Variants in AK4 observed in about 807,000 individuals in gnomAD.
AK4 encodes the protein adenylate kinase 4, also known as adenylate kinase 4, mitochondrial.
Under a neutral mutation model 24.6 loss-of-function variants are expected in AK4, and 13 were observed. That is an observed-to-expected ratio of 0.53 (90% CI 0.34 to 0.84). The LOEUF (loss-of-function observed/expected upper bound fraction) is 0.84. AK4 is among the 40% of genes least tolerant of loss of function. The pLI, the probability that AK4 is intolerant of heterozygous loss-of-function variation, is 0.01. For synonymous variants in AK4, 88 were observed against 107.0 expected (o/e 0.82, Z 1.10); for missense variants, 192 against 288.2 (o/e 0.67, Z 2.42).
At chr1:65,156,090 G>A (rs1649973010) in intron 1 of AK4, among the ~76,000 whole-genome samples, 1 of 152,132 alleles carries the variant, frequency 6.6e-6, no homozygotes, top group Admixed American at 6.6e-5. Flanking sequence ...GTTTTTTAAT[G>A]TGAGTTAAGT....
intron 2 of AK4, among the ~76,000 whole-genome samples, chr1:65,191,071 T>C (rs190702710): frequency 5.3e-5 from 8 of 152,364 alleles, no homozygotes; most frequent in Admixed American, 5.2e-4. Context: ...ATTTCTGTTA[T>C]TGCTTCAGCC....
chr1:65,207,860 C>T (rs544363151), intron 2 of AK4, among the ~76,000 whole-genome samples: 2 of 152,242 alleles, frequency 1.3e-5, no homozygotes, highest in Admixed American at 6.5e-5. Flanking sequence ...CATGTTGCTA[C>T]AAGGGACATG....
At chr1:65,188,464 T>C (rs1178068372) in intron 1 of AK4, among the ~76,000 whole-genome samples, 1 of 151,970 alleles carries the variant, frequency 6.6e-6, no homozygotes, top group Non-Finnish European at 1.5e-5. Flanking sequence ...TAATTCCGCT[T>C]TGTGTTTTTA....
At chr1:65,148,666 T>G in intron 1 of AK4, 114 bp downstream of exon 1, 2 of 1,390,926 alleles carry the variant, frequency 1.4e-6, no homozygotes, top group Non-Finnish European at 1.9e-6. Context: ...CGTGTGGTCG[T>G]GCAGGCTCGT....
intron 1 of AK4, among the ~76,000 whole-genome samples, chr1:65,182,255 G>A (rs990203347): frequency 1.3e-5 from 2 of 152,132 alleles, no homozygotes; most frequent in African/African-American, 4.8e-5. Context: ...AGTGCCTTGT[G>A]TGGTACCTGG....
chr1:65,214,837 G>A (rs775755397), intron 2 of AK4, among the ~76,000 whole-genome samples: 15 of 152,152 alleles, frequency 9.9e-5, no homozygotes, highest in Non-Finnish European at 1.6e-4. Context: ...TAGGGAGTTC[G>A]TAAATCTGGA....
chr1:65,195,485 T>C (rs1651438516), intron 2 of AK4, among the ~76,000 whole-genome samples: 1 of 152,228 alleles, frequency 6.6e-6, no homozygotes, highest in African/African-American at 2.4e-5. Flanking sequence ...TGAATTTGTA[T>C]AGTTTTAGGG....
At chr1:65,175,727 G>A (rs116194516) in intron 1 of AK4, among the ~76,000 whole-genome samples, 1,610 of 152,254 alleles carry the variant, frequency 0.011, 24 homozygotes, top group African/African-American at 0.037. Flanking sequence ...CTGCTATGGT[G>A]GATACCAAGG....
chr1:65,175,260 T>C (rs1650672868), intron 1 of AK4, among the ~76,000 whole-genome samples: 1 of 152,182 alleles, frequency 6.6e-6, no homozygotes, highest in Non-Finnish European at 1.5e-5. Flanking sequence ...CCGCATCAGC[T>C]CTCCCTGTTC....
intron 1 of AK4, among the ~76,000 whole-genome samples, chr1:65,158,639 T>C (rs1363468405): frequency 2.0e-5 from 3 of 152,186 alleles, no homozygotes; most frequent in African/African-American, 7.2e-5. Flanking sequence ...TAGCTGGGAC[T>C]ACAGGCTCCT....
At chr1:65,219,919 A>C (rs1048535427) in intron 3 of AK4, among the ~76,000 whole-genome samples, 1 of 152,146 alleles carries the variant, frequency 6.6e-6, no homozygotes, top group Non-Finnish European at 1.5e-5. Context: ...TTTTCGCCAA[A>C]CTTCTGAAAA....
intron 2 of AK4, among the ~76,000 whole-genome samples, chr1:65,199,089 A>G (rs1285761617): frequency 6.8e-6 from 1 of 148,138 alleles, no homozygotes; most frequent in African/African-American, 2.5e-5. Context: ...TCCGCCTCAA[A>G]AAAAAAAAAA....
At position 65,230,961 on chromosome 1, in the gene AK4, G is replaced by A. The variant is rs868654031; in HGVS notation, c.*4784G>A. The A allele has an allele frequency of 6.6e-6, 1 of 152,130 alleles. No individual in the cohort carries two copies. The highest frequency in any genetic ancestry group is 1.5e-5 in the Non-Finnish European group (1 of 68,022). 9.4% of individuals were successfully genotyped at this position (152,130 alleles called of 1,614,324 possible). On this transcript the variant is annotated 3_prime_UTR_variant, in exon 5 of 5. Coordinates refer to ENST00000327299, the MANE Select transcript of AK4 (RefSeq NM_013410.4). The stretch of plus-strand genomic sequence containing the variant: ...TTTTGCTAGAGAGGCAATTCATAAG[G>A]TGAGGTCCTGTTCATAGTATGACTT...
At chr1:65,193,891 G>A (rs751114753) in intron 2 of AK4, among the ~76,000 whole-genome samples, 3 of 152,218 alleles carry the variant, frequency 2.0e-5, no homozygotes, top group Non-Finnish European at 4.4e-5. Flanking sequence ...CAGATCACTT[G>A]AGGCCAGGAG....
At position 65,173,567 on chromosome 1, in the gene AK4, C is replaced by T. The variant is rs114332982; in HGVS notation, c.146-17143C>T. On this transcript the variant is annotated intron_variant, in intron 1 of 4. Transcript: ENST00000327299. Reference sequence around the variant, plus strand: ...GTATGACTTCATCCCATGTTGGACCCGACCCTCCTTCTTTCCTTCTCCCAA... The same window carrying T: ...GTATGACTTCATCCCATGTTGGACCTGACCCTCCTTCTTTCCTTCTCCCAA... Among the ~76,000 whole-genome samples, 929 of 152,266 alleles carry T rather than the reference C, an allele frequency of 6.1e-3. 8 individuals are homozygous for T. Among genetic ancestry groups the T allele is most frequent in the African/African-American group, 0.021 (876 of 41,544 alleles).
At chr1:65,164,704 C>G (rs1199186233) in intron 1 of AK4, among the ~76,000 whole-genome samples, 1 of 152,212 alleles carries the variant, frequency 6.6e-6, no homozygotes, top group Non-Finnish European at 1.5e-5. Context: ...TCCTGTTTCA[C>G]TTCCTTGATG....
chr1:65,150,408 T>C lies in AK4; in HGVS notation c.145+1856T>C, dbSNP rs146033191. Among the ~76,000 whole-genome samples, 597 of 152,162 alleles carry C rather than the reference T, an allele frequency of 3.9e-3. 4 individuals are homozygous for C. The highest frequency in any genetic ancestry group is 0.014 in the African/African-American group (575 of 41,518). ...TGACTATGAAATGTTTAGATTTTCT[T>C]TTTTCTGTTGGGAATCAAGCAGCTT... is the stretch of plus-strand genomic sequence containing the variant. On this transcript the variant is annotated intron_variant, in intron 1 of 4. Transcript: ENST00000327299.
chr1:65,212,247 T>G (rs770193781), intron 2 of AK4, among the ~76,000 whole-genome samples: 1 of 152,248 alleles, frequency 6.6e-6, no homozygotes, highest in Non-Finnish European at 1.5e-5. Flanking sequence ...GCCACCATGA[T>G]GCCCTGCTTT....
At chr1:65,204,848 A>C (rs74080336) in intron 2 of AK4, among the ~76,000 whole-genome samples, 566 of 152,298 alleles carry the variant, frequency 3.7e-3, no homozygotes, top group African/African-American at 0.011. Flanking sequence ...ACATTAAAAA[A>C]ATTTAGGTGA....
Sources: gnomAD v4.1 joint callset for allele counts (sites outside exome capture counted in the v4.1 genomes callset) on GRCh38, gnomAD v4.1.1 for gene constraint, MANE v1.5 for transcripts, NCBI Gene and HGNC (gene_info 2026-07-23, HGNC 2026-07-21) for gene names.